The following SORBS2 variants were observed in gnomAD, a reference collection of about 807,000 sequenced individuals.
SORBS2 encodes sorbin and SH3 domain-containing protein 2.
A neutral mutation model predicts 97.7 loss-of-function variants in SORBS2; 46 were observed. The ratio of observed to expected loss-of-function variants is 0.47; its 90% CI spans 0.37 to 0.60. SORBS2 has a LOEUF of 0.60. SORBS2 is among the 20% of genes least tolerant of loss of function. The pLI is 0.00. For synonymous variants in SORBS2, 476 were observed against 473.4 expected, an observed-to-expected ratio of 1.01 and a Z score of -0.07; for missense variants, 1,316 against 1,282.3, an observed-to-expected ratio of 1.03 and a Z score of -0.40.
chr4:185,620,047 C>G lies in SORBS2; in HGVS notation c.2304+16G>C. Reference sequence around the variant, plus strand: ...TGTGTTGCTGTGAAAGACTCCAATGCTATTAAATTAACTACCTCTTTTTCT... The same window carrying G: ...TGTGTTGCTGTGAAAGACTCCAATGGTATTAAATTAACTACCTCTTTTTCT... On this transcript the variant is annotated intron_variant, in intron 8 of 14. Transcript: ENST00000418609. 1 of 1,494,380 alleles carries G rather than the reference C, an allele frequency of 6.7e-7. No homozygotes were observed. The highest frequency in any genetic ancestry group is 9.3e-7 in the Non-Finnish European group (1 of 1,070,522). The allele number at this position is 1,494,380 out of a possible 1,614,324, so 92.6% of individuals were successfully genotyped here.
intron 2 of SORBS2, among the ~76,000 whole-genome samples, chr4:185,702,873 A>G (rs1461875120): frequency 6.6e-6 from 1 of 152,178 alleles, no homozygotes; most frequent in Admixed American, 6.5e-5. Flanking sequence ...ACATTTGTTG[A>G]CCTTTAATGT....
chr4:185,813,000 C>G (rs2099189418), intron 1 of SORBS2: 1 of 152,156 alleles, frequency 6.6e-6, no homozygotes, highest in African/African-American at 2.4e-5. Flanking sequence ...ACATTCCACC[C>G]GTCCATAACA....
intron 12 of SORBS2, among the ~76,000 whole-genome samples, chr4:185,602,544 C>G (rs972069322): frequency 6.6e-6 from 1 of 152,196 alleles, no homozygotes; most frequent in Admixed American, 6.5e-5. Flanking sequence ...ATTGCACTGA[C>G]TTAACATGAG....
intron 2 of SORBS2, chr4:185,757,043 G>T: frequency 1.2e-6 from 1 of 808,892 alleles, no homozygotes; most frequent in South Asian, 1.3e-5. Flanking sequence ...CTTGCATGAT[G>T]AACTTCGCAG....
intron 11 of SORBS2, among the ~76,000 whole-genome samples, chr4:185,614,159 G>GTTTTTTTTTTTTTTTTTTTT (rs34929054): frequency 4.1e-4 from 38 of 91,598 alleles, no homozygotes; most frequent in East Asian, 1.2e-3. Context: ...GTTTTTTTGT[G>GTTTTTTTTTTTTTTTTTTTT]TTTTTTTTTT....
intron 1 of SORBS2, among the ~76,000 whole-genome samples, chr4:185,908,497 T>C (rs1304561540): frequency 9.3e-5 from 14 of 151,318 alleles, no homozygotes; most frequent in Non-Finnish European, 1.9e-4. Flanking sequence ...CCACGTTCCC[T>C]CTGACTTCTG....
chr4:185,898,198 C>T lies in SORBS2; in HGVS notation c.-338+57998G>A, dbSNP rs144881908. On this transcript the variant is annotated intron_variant, in intron 1 of 20. Transcript: ENST00000284776. ...ATCCCATTACTGCCTGAAGGCAAAA[C>T]AAGCTGAAAGGGCAAGATTGTGTGA... 1.7e-3 allele frequency among the ~76,000 whole-genome samples: 255 copies of T among 152,308 alleles called. 1 individual carries two copies. The highest frequency in any genetic ancestry group is 6.0e-3 in the African/African-American group (250 of 41,566).
At chr4:185,613,674 G>A (rs1308353462) in intron 11 of SORBS2, among the ~76,000 whole-genome samples, 1 of 139,452 alleles carries the variant, frequency 7.2e-6, no homozygotes, top group African/African-American at 2.6e-5. Flanking sequence ...AAAAAAGTCA[G>A]TCTCCCCAAA....
At chr4:185,944,271 G>T (rs1579615566) in intron 1 of SORBS2, among the ~76,000 whole-genome samples, 1 of 152,080 alleles carries the variant, frequency 6.6e-6, no homozygotes, top group South Asian at 2.1e-4. Context: ...GAGATGAGAA[G>T]CACCCACTTA....
At chr4:185,896,702 A>G (rs1448347178) in intron 1 of SORBS2, among the ~76,000 whole-genome samples, 2 of 152,048 alleles carry the variant, frequency 1.3e-5, no homozygotes, top group African/African-American at 4.8e-5. Context: ...GTGTAACAGG[A>G]TGATTGGCAG....
chr4:185,639,034 G>C, intron 4 of SORBS2: 1 of 1,513,500 alleles, frequency 6.6e-7, no homozygotes. Context: ...TGGGAGAGGG[G>C]GCTGCAAGAA....
intron 1 of SORBS2, among the ~76,000 whole-genome samples, chr4:185,860,258 G>C (rs2099222957): frequency 1.3e-5 from 2 of 152,194 alleles, no homozygotes; most frequent in Non-Finnish European, 2.9e-5. Context: ...AGGTTGATAT[G>C]GTTTTTCTTC....
intron 1 of SORBS2, among the ~76,000 whole-genome samples, chr4:185,951,957 A>G (rs542261501): frequency 1.8e-4 from 28 of 152,340 alleles, no homozygotes; most frequent in Middle Eastern, 6.8e-3. Flanking sequence ...AATCTGGTAA[A>G]GGAAACAAAC....
chr4:185,717,693 G>T (rs1026040524), intron 2 of SORBS2, among the ~76,000 whole-genome samples: 1 of 152,162 alleles, frequency 6.6e-6, no homozygotes, highest in Non-Finnish European at 1.5e-5. Context: ...ATACTTCTGA[G>T]CCCAAGACAT....
chr4:185,726,507 T>C (rs1419125145), intron 2 of SORBS2, among the ~76,000 whole-genome samples: 1 of 152,174 alleles, frequency 6.6e-6, no homozygotes, highest in East Asian at 1.9e-4. Flanking sequence ...AAAAGACCCA[T>C]TCCCCCAAGA....
At chr4:185,828,059 G>T (rs62335736) in intron 1 of SORBS2, among the ~76,000 whole-genome samples, 95,731 of 151,302 alleles carry the variant, frequency 0.63, 30,863 homozygotes, top group Non-Finnish European at 0.68. Context: ...ATCATCCTCT[G>T]CATTAGGTTT....
At chr4:185,938,093 C>T (rs1162121464) in intron 1 of SORBS2, among the ~76,000 whole-genome samples, 4 of 150,968 alleles carry the variant, frequency 2.6e-5, no homozygotes, top group African/African-American at 9.7e-5. Context: ...CACTGCAACC[C>T]CCACCTCCCG....
At chr4:185,941,382 T>TC (rs2099271922) in intron 1 of SORBS2, among the ~76,000 whole-genome samples, 1 of 152,002 alleles carries the variant, frequency 6.6e-6, no homozygotes, top group South Asian at 2.1e-4. Context: ...TACATTTTTT[T>TC]CCTATATTAT....
chr4:185,630,503 A>T (rs2096889416), intron 5 of SORBS2, 46 bp downstream of exon 17: 1 of 1,222,568 alleles, frequency 8.2e-7, no homozygotes, highest in Non-Finnish European at 1.2e-6. Flanking sequence ...TTGAAAAAGA[A>T]ACCACTGGTA....
Sources: allele counts gnomAD v4.1 joint callset (sites outside exome capture counted in the v4.1 genomes callset), GRCh38; gene constraint gnomAD v4.1.1; transcripts MANE v1.5; gene names NCBI Gene and HGNC (gene_info 2026-07-23, HGNC 2026-07-21).